The following HPSE2 variants were observed in gnomAD, a reference collection of about 807,000 sequenced individuals.
HPSE2 encodes inactive heparanase-2.
HPSE2 carries 38 observed loss-of-function variants against 60.5 expected under a neutral mutation model. That is an observed-to-expected ratio of 0.63 (90% CI 0.48 to 0.82). HPSE2 has a LOEUF of 0.82. Among genes scored for constraint, HPSE2 ranks in the 40% least tolerant of loss-of-function variants. HPSE2 has a pLI of 0.00. For synonymous variants in HPSE2, 295 were observed against 293.2 expected (o/e 1.01, Z -0.06); for missense variants, 713 against 740.4 (o/e 0.96, Z 0.43).
At chr10:98,941,563 C>T (rs1589401730) in intron 3 of HPSE2, among the ~76,000 whole-genome samples, 1 of 141,914 alleles carries the variant, frequency 7.0e-6, no homozygotes, top group South Asian at 2.1e-4. Flanking sequence ...CAAACCACTG[C>T]TCAATGAAAT....
the HPSE2 span, among the ~76,000 whole-genome samples, chr10:99,313,713 C>T: frequency 6.7e-5 from 10 of 150,204 alleles, 1 homozygote; most frequent in South Asian, 2.1e-3. Context: ...GATTCTCCTG[C>T]CTCAGCCTCC....
At position 99,224,871 on chromosome 10, in the gene HPSE2, C is replaced by T. The variant is rs373387135; in HGVS notation, c.448+7477G>A. On this transcript the variant is annotated intron_variant, in intron 2 of 11. Coordinates refer to ENST00000370552, the MANE Select transcript of HPSE2 (RefSeq NM_021828.5). ...GGTTTATTTACTGGCTTTTCTGATT[C>T]GCTGAAATTAATTAAGCCACCTCCA... is the stretch of plus-strand genomic sequence containing the variant. Among the ~76,000 whole-genome samples, 10 of 152,088 alleles carry T rather than the reference C, an allele frequency of 6.6e-5. No homozygotes were observed. The South Asian group carries it at 1.9e-3, about 28-fold the overall frequency.
intron 3 of HPSE2, among the ~76,000 whole-genome samples, chr10:99,130,483 T>C (rs968242203): frequency 6.6e-6 from 1 of 152,184 alleles, no homozygotes; most frequent in Non-Finnish European, 1.5e-5. Context: ...CATACACAAG[T>C]TGTTGTACCT....
chr10:98,489,151 C>A (rs1460891666), intron 10 of HPSE2, among the ~76,000 whole-genome samples: 1 of 152,114 alleles, frequency 6.6e-6, no homozygotes, highest in Non-Finnish European at 1.5e-5. Context: ...GTTTTCTTTG[C>A]ATTAAGAGAA....
intron 4 of HPSE2, among the ~76,000 whole-genome samples, chr10:98,732,555 T>C (rs1949253310): frequency 6.6e-6 from 1 of 152,092 alleles, no homozygotes; most frequent in Non-Finnish European, 1.5e-5. Context: ...TTTTAATAAA[T>C]GGTACTGGGA....
chr10:99,181,541 C>T (rs1227062492), intron 2 of HPSE2, among the ~76,000 whole-genome samples: 1 of 151,966 alleles, frequency 6.6e-6, no homozygotes. Context: ...GCATGGAATA[C>T]TATGCAGCCA....
chr10:98,524,754 T>C (rs1388500795), intron 9 of HPSE2, among the ~76,000 whole-genome samples: 1 of 152,226 alleles, frequency 6.6e-6, no homozygotes, highest in African/African-American at 2.4e-5. Flanking sequence ...AAAATACATA[T>C]GTGTGTATTA....
intron 3 of HPSE2, among the ~76,000 whole-genome samples, chr10:98,878,123 C>A (rs1480147621): frequency 6.6e-6 from 1 of 151,850 alleles, no homozygotes; most frequent in Non-Finnish European, 1.5e-5. Context: ...ACAAAATATA[C>A]AAGACGTTTC....
chr10:98,887,785 T>G (rs958574024), intron 3 of HPSE2, among the ~76,000 whole-genome samples: 1 of 151,998 alleles, frequency 6.6e-6, no homozygotes, highest in African/African-American at 2.4e-5. Context: ...AAATGTTTCC[T>G]TTGGAAAACA....
chr10:98,669,358 T>C (rs1156304329), intron 6 of HPSE2, among the ~76,000 whole-genome samples: 1 of 152,236 alleles, frequency 6.6e-6, no homozygotes, highest in African/African-American at 2.4e-5. Context: ...TGAACTATCA[T>C]TCATTCCAGC....
intron 3 of HPSE2, among the ~76,000 whole-genome samples, chr10:98,834,879 T>G (rs2134667467): frequency 6.6e-6 from 1 of 152,278 alleles, no homozygotes; most frequent in East Asian, 1.9e-4. Context: ...CAGGCTTTTT[T>G]TTTTGTTTTG....
intron 3 of HPSE2, among the ~76,000 whole-genome samples, chr10:99,019,845 G>T (rs765383013): frequency 6.6e-6 from 1 of 151,734 alleles, no homozygotes; most frequent in Non-Finnish European, 1.5e-5. Flanking sequence ...CCTAGTAGCT[G>T]AGATTACGGG....
chr10:98,890,802 G>T (rs1953314005), intron 3 of HPSE2, among the ~76,000 whole-genome samples: 1 of 152,152 alleles, frequency 6.6e-6, no homozygotes, highest in Non-Finnish European at 1.5e-5. Flanking sequence ...GTGCACACAG[G>T]ATGATTAGAG....
chr10:98,918,763 G>A (rs1400084403), intron 3 of HPSE2, among the ~76,000 whole-genome samples: 2 of 149,718 alleles, frequency 1.3e-5, no homozygotes, highest in East Asian at 2.0e-4. Flanking sequence ...ACACCAGCAT[G>A]GCACATGTAT....
intron 3 of HPSE2, among the ~76,000 whole-genome samples, chr10:98,990,959 A>G (rs1477931560): frequency 6.6e-6 from 1 of 152,216 alleles, no homozygotes; most frequent in Non-Finnish European, 1.5e-5. Context: ...TTCCCAAATC[A>G]AACCCCATGC....
intron 3 of HPSE2, among the ~76,000 whole-genome samples, chr10:98,862,667 G>T (rs1952486132): frequency 6.6e-6 from 1 of 152,162 alleles, no homozygotes; most frequent in Admixed American, 6.5e-5. Context: ...CATCGGAATT[G>T]TACATGAAGC....
At chr10:99,117,449 A>C (rs1485074985) in intron 3 of HPSE2, among the ~76,000 whole-genome samples, 2 of 121,226 alleles carry the variant, frequency 1.6e-5, no homozygotes, top group African/African-American at 6.0e-5. Flanking sequence ...AAAAAAAAAA[A>C]CTAATAAAAT....
intron 6 of HPSE2, among the ~76,000 whole-genome samples, chr10:98,659,072 C>T (rs1947155350): frequency 6.6e-6 from 1 of 152,092 alleles, no homozygotes; most frequent in Non-Finnish European, 1.5e-5. Flanking sequence ...ATCCTATATC[C>T]ATTAAGCAGT....
chr10:98,657,081 G>A (rs1947089458), intron 6 of HPSE2, among the ~76,000 whole-genome samples: 1 of 151,296 alleles, frequency 6.6e-6, no homozygotes, highest in Non-Finnish European at 1.5e-5. Flanking sequence ...ATTTTTTAGA[G>A]TACTAATTTT....
Sources: gnomAD v4.1 joint callset for allele counts (sites outside exome capture counted in the v4.1 genomes callset) on GRCh38, gnomAD v4.1.1 for gene constraint, MANE v1.5 for transcripts, NCBI Gene and HGNC (gene_info 2026-07-23, HGNC 2026-07-21) for gene names.